The following CACNG3 variants were observed in gnomAD, a reference collection of about 807,000 sequenced individuals.
CACNG3 encodes the protein calcium voltage-gated channel auxiliary subunit gamma 3.
A neutral mutation model predicts 28.5 loss-of-function variants in CACNG3; 3 were observed. The observed-to-expected ratio is 0.11, with a 90% CI of 0.05 to 0.27. CACNG3 has a LOEUF of 0.27. Among genes scored for constraint, CACNG3 ranks in the 10% least tolerant of loss-of-function variants. The pLI is 1.00. For synonymous variants in CACNG3, 174 were observed against 162.2 expected (o/e 1.07, Z -0.55); for missense variants, 236 against 414.4 (o/e 0.57, Z 3.74).
intron 1 of CACNG3, among the ~76,000 whole-genome samples, chr16:24,336,444 T>C (rs1899711039): frequency 9.2e-5 from 14 of 151,584 alleles, no homozygotes; most frequent in Admixed American, 8.5e-4. Flanking sequence ...GCTAATTTTG[T>C]TTTTGTATTT....
At chr16:24,326,333 G>C (rs1325469593) in intron 1 of CACNG3, among the ~76,000 whole-genome samples, 1 of 151,924 alleles carries the variant, frequency 6.6e-6, no homozygotes, top group Middle Eastern at 3.2e-3. Context: ...CAGTAGGCCC[G>C]GCTCATTTTG....
intron 1 of CACNG3, among the ~76,000 whole-genome samples, chr16:24,325,641 T>G (rs531881930): frequency 9.8e-5 from 15 of 152,338 alleles, no homozygotes; most frequent in African/African-American, 3.6e-4. Context: ...ACCCATCACT[T>G]TGATGCTCAC....
At chr16:24,265,501 AAAAG>A (rs3060123) in intron 1 of CACNG3, among the ~76,000 whole-genome samples, 359 of 150,686 alleles carry the variant, frequency 2.4e-3, no homozygotes, top group Non-Finnish European at 3.1e-3. Flanking sequence ...AGAAGGAAAG[AAAAG>A]AAAGAAAGAA....
At chr16:24,326,083 G>A (rs543937930) in intron 1 of CACNG3, among the ~76,000 whole-genome samples, 2 of 152,192 alleles carry the variant, frequency 1.3e-5, no homozygotes, top group Non-Finnish European at 2.9e-5. Context: ...TCCAACGTGG[G>A]GGGGTTGGGG....
rs73556436 is a variant in CACNG3 at position 24,352,894 on chromosome 16, C to A, written c.296-1939C>A. Among the ~76,000 whole-genome samples, 205 of 152,350 alleles carry A rather than the reference C, an allele frequency of 1.3e-3. 2 individuals are homozygous for A. The highest frequency in any genetic ancestry group is 4.8e-3 in the African/African-American group (200 of 41,588). On this transcript the variant is annotated intron_variant, in intron 2 of 3. Transcript: ENST00000005284. ...ACACGGGGCTCAGCCCTCAGAAGGG[C>A]CCCACCCTTGGTTCCATGTTCTGCT...
Position 24,256,596 on chromosome 16 carries a change from GA to G in CACNG3, c.-156del. The G allele has an allele frequency of 1.6e-6, 1 of 630,394 alleles. No individual in the cohort carries two copies. Among genetic ancestry groups the G allele is most frequent in the Non-Finnish European group, 2.9e-6 (1 of 350,428 alleles). 39.1% of individuals were successfully genotyped at this position (630,394 alleles called of 1,614,324 possible). On this transcript the variant is annotated 5_prime_UTR_variant, in exon 1 of 4. It introduces an in-frame stop codon into an upstream open reading frame of the 5' UTR. Transcript: ENST00000005284. The surrounding 1 kb of genome is among the most constrained non-coding windows in gnomAD (Gnocchi z 4.6). Reference sequence around the variant, plus strand: ...GGGAACTGGAGAGAGCTCCAGAAAGGAAATCCCAGCTTTCCCAAAGTCCCTG... The same window carrying G: ...GGGAACTGGAGAGAGCTCCAGAAAGGAATCCCAGCTTTCCCAAAGTCCCTG...
chr16:24,330,084 T>C (rs1331291707), intron 1 of CACNG3, among the ~76,000 whole-genome samples: 6 of 152,122 alleles, frequency 3.9e-5, no homozygotes, highest in Non-Finnish European at 8.8e-5. Context: ...TAGTGTCTGG[T>C]AATGAGACAT....
At chr16:24,264,225 C>T (rs1197114527) in intron 1 of CACNG3, among the ~76,000 whole-genome samples, 2 of 152,198 alleles carry the variant, frequency 1.3e-5, no homozygotes, top group African/African-American at 2.4e-5. Context: ...GCTGCCTGGC[C>T]GAGGGGTCGA....
intron 1 of CACNG3, among the ~76,000 whole-genome samples, chr16:24,318,180 TC>T (rs1899412479): frequency 6.6e-6 from 1 of 152,068 alleles, no homozygotes; most frequent in Non-Finnish European, 1.5e-5. Flanking sequence ...ACTCAGTATA[TC>T]CTTTTGTATT....
chr16:24,285,563 G>A (rs1268684555), intron 1 of CACNG3, among the ~76,000 whole-genome samples: 1 of 152,018 alleles, frequency 6.6e-6, no homozygotes, highest in African/African-American at 2.4e-5. Flanking sequence ...CAGACACAAT[G>A]GCACACACCT....
intron 2 of CACNG3, 74 bp downstream of exon 2, chr16:24,346,891 TCG>T: frequency 3.4e-6 from 4 of 1,163,848 alleles, no homozygotes; most frequent in African/African-American, 1.5e-5. Context: ...TGCCTCTGAG[TCG>T]GAGCTTCCTC....
At chr16:24,262,627 A>C (rs1898550773) in intron 1 of CACNG3, among the ~76,000 whole-genome samples, 1 of 152,198 alleles carries the variant, frequency 6.6e-6, no homozygotes, top group African/African-American at 2.4e-5. Flanking sequence ...CTGGCCCTAC[A>C]AAACCATTCA....
chr16:24,346,450 T>C (rs1899868363), intron 1 of CACNG3, among the ~76,000 whole-genome samples: 3 of 152,304 alleles, frequency 2.0e-5, no homozygotes, highest in African/African-American at 4.8e-5. Context: ...TAGTGGCACA[T>C]GCCTATAGTC....
intron 1 of CACNG3, among the ~76,000 whole-genome samples, chr16:24,318,240 G>T (rs1354931593): frequency 6.6e-6 from 1 of 151,966 alleles, no homozygotes; most frequent in African/African-American, 2.4e-5. Flanking sequence ...CACCCAGGCT[G>T]GAGTGCAGTG....
intron 1 of CACNG3, among the ~76,000 whole-genome samples, chr16:24,282,532 C>T (rs897055450): frequency 5.3e-5 from 8 of 152,064 alleles, no homozygotes; most frequent in African/African-American, 1.9e-4. Context: ...ACCTCAACCT[C>T]CCAAAGTGCT....
At chr16:24,344,261 G>A (rs1394994495) in intron 1 of CACNG3, among the ~76,000 whole-genome samples, 3 of 152,032 alleles carry the variant, frequency 2.0e-5, no homozygotes, top group South Asian at 4.2e-4. Context: ...GTGAAACCCT[G>A]TCTCTACTAA....
intron 1 of CACNG3, among the ~76,000 whole-genome samples, chr16:24,313,541 G>A (rs1228615147): frequency 6.6e-6 from 1 of 152,140 alleles, no homozygotes; most frequent in Admixed American, 6.5e-5. Flanking sequence ...CTGAAGTGCA[G>A]TGGCACGATC....
At chr16:24,315,415 A>ATCTC (rs1428083216) in intron 1 of CACNG3, among the ~76,000 whole-genome samples, 3 of 141,528 alleles carry the variant, frequency 2.1e-5, no homozygotes, top group Non-Finnish European at 4.7e-5. Flanking sequence ...CACCATCATC[A>ATCTC]TCTCTCCCTC....
At chr16:24,309,751 T>C (rs1899235294) in intron 1 of CACNG3, among the ~76,000 whole-genome samples, 2 of 152,062 alleles carry the variant, frequency 1.3e-5, no homozygotes, top group East Asian at 1.9e-4. Flanking sequence ...AGAGGTGACA[T>C]TTTGAACTGA....
Sources: allele counts gnomAD v4.1 joint callset (sites outside exome capture counted in the v4.1 genomes callset), GRCh38; gene constraint gnomAD v4.1.1; non-coding constraint Gnocchi (gnomAD v3.1); transcripts MANE v1.5; gene names NCBI Gene and HGNC (gene_info 2026-07-23, HGNC 2026-07-21).